Variants in CNTNAP5 observed in about 807,000 individuals in gnomAD.
The protein encoded by CNTNAP5 is contactin associated protein family member 5, also known as contactin-associated protein-like 5.
In CNTNAP5, 72 loss-of-function variants were observed where a neutral mutation model predicts 150.2. That is an observed-to-expected ratio of 0.48 (90% CI 0.40 to 0.58). The LOEUF is 0.58. Ranked by LOEUF, CNTNAP5 falls within the 20% of genes least tolerant of loss-of-function variation. The pLI is 0.00. For synonymous variants in CNTNAP5, 672 were observed against 619.8 expected (o/e 1.08, Z -1.25); for missense variants, 1,636 against 1,626.2 (o/e 1.01, Z -0.10).
rs1002391085 is a variant in CNTNAP5, at chr2:124,049,498, A to G, written c.82+23766A>G. ...TATACAGAACTATATTTTTTAAACC[A>G]TAATAAAATTATCAGGCCTACTTTA... On this transcript the variant is annotated intron_variant, in intron 1 of 23. Transcript: ENST00000682447. 2.6e-5 allele frequency among the ~76,000 whole-genome samples: 4 copies of G among 152,212 alleles called. No homozygotes were observed. In the East Asian group the frequency reaches 5.8e-4, roughly 22 times the overall value.
intron 11 of CNTNAP5, among the ~76,000 whole-genome samples, chr2:124,607,200 G>A (rs898975113): frequency 2.0e-5 from 3 of 152,122 alleles, no homozygotes; most frequent in Admixed American, 6.5e-5. Flanking sequence ...CTCTGGGACC[G>A]TAAGCAACTT....
chr2:124,362,533 G>T (rs542850315), intron 3 of CNTNAP5, among the ~76,000 whole-genome samples: 1 of 151,958 alleles, frequency 6.6e-6, no homozygotes, highest in South Asian at 2.1e-4. Flanking sequence ...TTAAATCACT[G>T]TTTACCTCAG....
At chr2:124,908,034 C>T (rs949437339) in intron 22 of CNTNAP5, among the ~76,000 whole-genome samples, 7 of 151,724 alleles carry the variant, frequency 4.6e-5, no homozygotes, top group African/African-American at 1.7e-4. Flanking sequence ...AAAAGTAGTA[C>T]ATAGACTCAA....
intron 21 of CNTNAP5, among the ~76,000 whole-genome samples, chr2:124,877,256 C>T (rs1573681538): frequency 6.6e-6 from 1 of 152,120 alleles, no homozygotes; most frequent in East Asian, 1.9e-4. Context: ...AGTGAAACCA[C>T]TCTATGAATA....
At chr2:124,869,800 A>G in intron 21 of CNTNAP5, 38 bp downstream of exon 21, 1 of 1,231,960 alleles carries the variant, frequency 8.1e-7, no homozygotes, top group Non-Finnish European at 1.2e-6. Flanking sequence ...AGTGGGCTTT[A>G]TTAAAATAAA....
rs763253770 is a variant in CNTNAP5, at chr2:124,221,786, C to G, written c.164C>G (p.Pro55Arg). Residue 55 changes from proline to arginine, a missense_variant, in exon 2 of 24, where the codon CCA becomes CGA. Pro to Arg is a moderately radical substitution (Grantham distance 103, BLOSUM62 -2). Transcript: ENST00000682447. ...TCAGACCTCACTGGCACTCACAGCCCAGCTCAACTCAACTGGAGAGTTGGT... is the reference window on the plus strand; with the variant it reads ...TCAGACCTCACTGGCACTCACAGCCGAGCTCAACTCAACTGGAGAGTTGGT... ...SSSDLTGTHSPAQLNWRVGTG... is the reference protein window; with the variant it reads ...SSSDLTGTHSRAQLNWRVGTG... 6.2e-7 allele frequency: 1 copy of G among 1,609,126 alleles called. No homozygotes were observed. The highest frequency in any genetic ancestry group is 8.5e-7 in the Non-Finnish European group (1 of 1,177,320).
chr2:124,553,043 TTCTGG>T (rs1695664609), intron 10 of CNTNAP5, among the ~76,000 whole-genome samples: 1 of 424 alleles, frequency 2.4e-3, no homozygotes, highest in African/African-American at 3.3e-3. Context: ...TATATTCTAT[TTCTGG>T]GAAAGAAATA....
At chr2:124,405,780 G>T (rs930710048) in intron 3 of CNTNAP5, among the ~76,000 whole-genome samples, 1 of 152,182 alleles carries the variant, frequency 6.6e-6, no homozygotes, top group Non-Finnish European at 1.5e-5. Flanking sequence ...CGTGCTGTTT[G>T]CACTCTTTAT....
intron 4 of CNTNAP5, among the ~76,000 whole-genome samples, chr2:124,433,849 C>T (rs990065587): frequency 1.3e-5 from 2 of 152,230 alleles, no homozygotes; most frequent in East Asian, 1.9e-4. Context: ...CCTTGTTTTG[C>T]TTTGACAATA....
At chr2:124,185,654 A>T (rs997130709) in intron 1 of CNTNAP5, among the ~76,000 whole-genome samples, 1 of 152,190 alleles carries the variant, frequency 6.6e-6, no homozygotes, top group East Asian at 1.9e-4. Flanking sequence ...CACCAGCCAC[A>T]CTAAAGAAGA....
intron 11 of CNTNAP5, among the ~76,000 whole-genome samples, chr2:124,608,720 G>C (rs1052184098): frequency 6.6e-6 from 1 of 152,138 alleles, no homozygotes; most frequent in Non-Finnish European, 1.5e-5. Context: ...GCTGAGGTGG[G>C]TGGATCACGA....
intron 21 of CNTNAP5, among the ~76,000 whole-genome samples, chr2:124,893,705 G>A (rs1678247672): frequency 6.6e-6 from 1 of 152,046 alleles, no homozygotes; most frequent in African/African-American, 2.4e-5. Context: ...AAGGCAAGTA[G>A]CACTGGATAC....
chr2:124,344,062 C>T (rs564059546), intron 3 of CNTNAP5, among the ~76,000 whole-genome samples: 1 of 152,294 alleles, frequency 6.6e-6, no homozygotes, highest in East Asian at 1.9e-4. Context: ...CAAGCCACCA[C>T]AAGGGCAGAG....
chr2:124,087,871 C>T (rs1246319894), intron 1 of CNTNAP5, among the ~76,000 whole-genome samples: 1 of 152,036 alleles, frequency 6.6e-6, no homozygotes, highest in African/African-American at 2.4e-5. Flanking sequence ...TCTCAGGTGG[C>T]TTTCAAGATG....
intron 3 of CNTNAP5, among the ~76,000 whole-genome samples, chr2:124,280,282 C>T (rs1044815735): frequency 1.6e-4 from 25 of 152,214 alleles, no homozygotes; most frequent in African/African-American, 5.3e-4. Flanking sequence ...ATTCCTCTGT[C>T]TCAGCCTCCT....
At chr2:124,698,453 A>T (rs1424700816) in intron 13 of CNTNAP5, among the ~76,000 whole-genome samples, 1 of 151,606 alleles carries the variant, frequency 6.6e-6, no homozygotes, top group Non-Finnish European at 1.5e-5. Flanking sequence ...TCATAAATTG[A>T]TTGGTAGCAG....
At chr2:124,580,697 T>C (rs553588107) in intron 11 of CNTNAP5, among the ~76,000 whole-genome samples, 1 of 152,340 alleles carries the variant, frequency 6.6e-6, no homozygotes, top group African/African-American at 2.4e-5. Context: ...CGTCTCTCTC[T>C]CTCAGCTGTC....
chr2:124,313,036 T>A (rs1216996480), intron 3 of CNTNAP5, among the ~76,000 whole-genome samples: 1 of 152,230 alleles, frequency 6.6e-6, no homozygotes, highest in Admixed American at 6.5e-5. Context: ...GGCTATTGAA[T>A]GAATAGGATT....
intron 3 of CNTNAP5, among the ~76,000 whole-genome samples, chr2:124,407,602 G>C (rs1381053954): frequency 6.6e-6 from 1 of 152,178 alleles, no homozygotes; most frequent in Non-Finnish European, 1.5e-5. Flanking sequence ...CAGAAATGTG[G>C]TAATTTTGAA....
Sources: allele counts gnomAD v4.1 joint callset (sites outside exome capture counted in the v4.1 genomes callset), GRCh38; gene constraint gnomAD v4.1.1; transcripts MANE v1.5; gene names NCBI Gene and HGNC (gene_info 2026-07-23, HGNC 2026-07-21).